SUSD1: variants seen among roughly 807,000 people sequenced by gnomAD.
SUSD1 encodes the protein sushi domain-containing protein 1.
A neutral mutation model predicts 86.9 loss-of-function variants in SUSD1; 65 were observed. The ratio of observed to expected loss-of-function variants is 0.75; its 90% CI spans 0.61 to 0.92. SUSD1 has a LOEUF of 0.92. Ranked by LOEUF, SUSD1 falls within the 40% of genes least tolerant of loss-of-function variation. The probability of loss-of-function intolerance (pLI) is 0.00; values close to 1 mark genes in which losing one functional copy is unlikely to be tolerated. For missense variants in SUSD1, 850 were observed against 929.7 expected, an observed-to-expected ratio of 0.91 and a Z score of 1.11; for synonymous variants, 346 against 350.0, an observed-to-expected ratio of 0.99 and a Z score of 0.13.
At chr9:112,044,379 C>T (rs543987160) in intron 15 of SUSD1, among the ~76,000 whole-genome samples, 1 of 152,268 alleles carries the variant, frequency 6.6e-6, no homozygotes, top group African/African-American at 2.4e-5. Flanking sequence ...GTCTCAGTCC[C>T]CACACTGAGG....
chr9:112,164,612 TA>T (rs893753430), intron 1 of SUSD1, among the ~76,000 whole-genome samples: 6 of 146,184 alleles, frequency 4.1e-5, no homozygotes, highest in African/African-American at 1.0e-4. Flanking sequence ...ACCATAAAGG[TA>T]AAAAAAAATA....
intron 15 of SUSD1, among the ~76,000 whole-genome samples, chr9:112,043,165 C>T (rs1827815282): frequency 6.6e-6 from 1 of 152,176 alleles, no homozygotes. Context: ...GCAAGACTAA[C>T]AAATTAGCCA....
chr9:112,043,466 C>T (rs1016482028), intron 15 of SUSD1, among the ~76,000 whole-genome samples: 1 of 152,166 alleles, frequency 6.6e-6, no homozygotes, highest in East Asian at 1.9e-4. Context: ...CTGACCCCCC[C>T]ATCCCCTACC....
chr9:112,121,980 T>C (rs987193355), intron 6 of SUSD1, among the ~76,000 whole-genome samples: 1 of 152,216 alleles, frequency 6.6e-6, no homozygotes, highest in Non-Finnish European at 1.5e-5. Context: ...AACATGTGCA[T>C]GGTGCTTTCA....
At chr9:112,159,951 G>C (rs1281185877) in intron 1 of SUSD1, among the ~76,000 whole-genome samples, 2 of 151,824 alleles carry the variant, frequency 1.3e-5, no homozygotes, top group African/African-American at 4.8e-5. Flanking sequence ...ACAGCAGCAT[G>C]GTTAGCATGT....
chr9:112,147,531 G>A (rs1832856565), intron 3 of SUSD1, among the ~76,000 whole-genome samples: 2 of 151,204 alleles, frequency 1.3e-5, no homozygotes, highest in Admixed American at 1.3e-4. Context: ...AGCACTTTGG[G>A]AGGCCAAGGC....
At chr9:112,064,798 C>T (rs1828901025) in intron 12 of SUSD1, among the ~76,000 whole-genome samples, 1 of 151,034 alleles carries the variant, frequency 6.6e-6, no homozygotes, top group African/African-American at 2.4e-5. Flanking sequence ...ATCGCTTGAA[C>T]CGGGCAGGCA....
chr9:112,158,452 A>G (rs1257403741), intron 1 of SUSD1, among the ~76,000 whole-genome samples: 2 of 151,988 alleles, frequency 1.3e-5, no homozygotes, highest in Non-Finnish European at 2.9e-5. Context: ...GCGCAGTGGC[A>G]TGATCTCAGC....
At chr9:112,147,062 T>C (rs1251880103) in intron 3 of SUSD1, among the ~76,000 whole-genome samples, 9 of 152,194 alleles carry the variant, frequency 5.9e-5, no homozygotes, top group Admixed American at 2.0e-4. Flanking sequence ...GATCATATTC[T>C]CCAGAAGATT....
At chr9:112,154,033 C>T (rs145497519) in intron 2 of SUSD1, among the ~76,000 whole-genome samples, 43 of 152,176 alleles carry the variant, frequency 2.8e-4, no homozygotes, top group African/African-American at 8.4e-4. Context: ...ATGACAGCTA[C>T]GACATCTCTA....
In SUSD1 at chr9:112,060,878, C is replaced by G. The variant is rs113498136; in HGVS notation, c.1850+2059G>C. Among the ~76,000 whole-genome samples, 529 of 152,266 alleles carry G rather than the reference C, an allele frequency of 3.5e-3. 4 individuals are homozygous for G. Among genetic ancestry groups the G allele is most frequent in the African/African-American group, 0.012 (503 of 41,548 alleles). On this transcript the variant is annotated intron_variant, in intron 13 of 16. Coordinates refer to ENST00000374270, the MANE Select transcript of SUSD1 (RefSeq NM_022486.5). Reference sequence around the variant, plus strand: ...ATCTTTCCATGCAGGTGGTGGTGGTCAAGAGCAAGGTCGAGGCTCACCTGT... The same window carrying G: ...ATCTTTCCATGCAGGTGGTGGTGGTGAAGAGCAAGGTCGAGGCTCACCTGT...
chr9:112,119,294 A>G (rs1236099693), intron 6 of SUSD1, among the ~76,000 whole-genome samples: 1 of 152,210 alleles, frequency 6.6e-6, no homozygotes, highest in East Asian at 1.9e-4. Flanking sequence ...CACATATTCC[A>G]ATACATCCGG....
Position 112,058,762 on chromosome 9 carries a change from C to G in SUSD1, c.1851-76G>C, listed in dbSNP as rs544833381. 20 of 1,544,946 alleles carry G rather than the reference C, an allele frequency of 1.3e-5. No homozygotes were observed. In the African/African-American group the frequency reaches 2.3e-4, roughly 18 times the overall value. On this transcript the variant is annotated intron_variant, in intron 13 of 16. Coordinates refer to ENST00000374270, the MANE Select transcript of SUSD1 (RefSeq NM_022486.5). ...TTCATTCATTCATATTTATTGAGCA[C>G]CTGCTATGAGACAAACCTCTTTCTT...
At chr9:112,069,851 T>C (rs1829181788) in intron 12 of SUSD1, among the ~76,000 whole-genome samples, 1 of 151,658 alleles carries the variant, frequency 6.6e-6, no homozygotes, top group Admixed American at 6.6e-5. Flanking sequence ...CCCTGCTTGG[T>C]CCAGGTGATG....
chr9:112,043,706 ATGGCTTATATTATT>A (rs1479542092), intron 15 of SUSD1, among the ~76,000 whole-genome samples: 2 of 152,166 alleles, frequency 1.3e-5, no homozygotes, highest in African/African-American at 2.4e-5. Flanking sequence ...TCTAGAAAAC[ATGGCTTATATTATT>A]TGGTTGCTTT....
intron 1 of SUSD1, among the ~76,000 whole-genome samples, chr9:112,162,737 C>T (rs1447541926): frequency 6.6e-6 from 1 of 152,046 alleles, no homozygotes; most frequent in Non-Finnish European, 1.5e-5. Context: ...CTCTTTTTCC[C>T]CCTGTAAATA....
intron 10 of SUSD1, among the ~76,000 whole-genome samples, chr9:112,094,472 C>T (rs1214383582): frequency 6.6e-6 from 1 of 151,816 alleles, no homozygotes; most frequent in East Asian, 1.9e-4. Flanking sequence ...TCTTTGGGGG[C>T]TAAAGTAGAA....
intron 1 of SUSD1, among the ~76,000 whole-genome samples, chr9:112,158,415 G>A (rs535000619): frequency 8.6e-5 from 13 of 151,794 alleles, no homozygotes; most frequent in South Asian, 8.3e-4. Context: ...TTTTGAGGTA[G>A]AGTCTGACTC....
Position 112,052,427 on chromosome 9 carries a change from G to C in SUSD1, c.2121C>G (p.His707Gln). 1 of 1,614,090 alleles carries C rather than the reference G, an allele frequency of 6.2e-7. No homozygotes were observed. Among genetic ancestry groups the C allele is most frequent in the Non-Finnish European group, 8.5e-7 (1 of 1,180,004 alleles). ...ITSEWNKVRR[H>Q]SCAVWAQVKD... ...TCACCTGAGCCCAAACTGCACAGGA[G>C]TGTCTTCTCACCTATAAAGGAAAAC... The change falls in exon 15 of 17, where the codon CAC becomes CAG. Residue 707 changes from histidine to glutamine, a missense_variant. Transcript: ENST00000374270.
Sources: allele counts gnomAD v4.1 joint callset (sites outside exome capture counted in the v4.1 genomes callset), GRCh38; gene constraint gnomAD v4.1.1; transcripts MANE v1.5; gene names NCBI Gene and HGNC (gene_info 2026-07-23, HGNC 2026-07-21).